Variants in IGF2R observed in about 807,000 individuals in gnomAD.
IGF2R encodes the protein insulin like growth factor 2 receptor.
Under a neutral mutation model 270.6 loss-of-function variants are expected in IGF2R, and 91 were observed. The ratio of observed to expected loss-of-function variants is 0.34; its 90% CI spans 0.28 to 0.40. The LOEUF (loss-of-function observed/expected upper bound fraction) is 0.40, where lower values mean the gene tolerates loss of function less well. Ranked by LOEUF, IGF2R falls within the 10% of genes least tolerant of loss-of-function variation. The probability of loss-of-function intolerance (pLI) is 1.00; values close to 1 mark genes in which losing one functional copy is unlikely to be tolerated. For synonymous variants in IGF2R, 1,316 were observed against 1,258.9 expected (o/e 1.05, Z -0.96); for missense variants, 2,805 against 3,188.3 (o/e 0.88, Z 2.90).
chr6:159,984,660 C>G (rs1049979418), intron 1 of IGF2R, among the ~76,000 whole-genome samples: 4 of 152,198 alleles, frequency 2.6e-5, no homozygotes, highest in Non-Finnish European at 5.9e-5. Flanking sequence ...TAGTAGGCGA[C>G]ACCATCTATG....
At chr6:160,060,293 G>A (rs983671641) in intron 22 of IGF2R, among the ~76,000 whole-genome samples, 6 of 152,268 alleles carry the variant, frequency 3.9e-5, no homozygotes, top group African/African-American at 1.2e-4. Flanking sequence ...GTTGCAGTGT[G>A]TAAACCTGTT....
rs1778089153 is a variant in IGF2R at position 160,047,265 on chromosome 6, C to G, written c.2158C>G (p.His720Asp). 6.2e-7 allele frequency: 1 copy of G among 1,613,400 alleles called. No homozygotes were observed. Among genetic ancestry groups the G allele is most frequent in the Non-Finnish European group, 8.5e-7 (1 of 1,179,872 alleles). Residue 720 changes from histidine (H) to aspartate (D), a missense_variant, in exon 16 of 48, where the codon CAC (histidine) becomes GAC (aspartate). His to Asp is a moderately conservative substitution (Grantham distance 81). Transcript: ENST00000356956. ...CGGCACACCCTATAACAATGAAAGACACACACCGAGAGCTACGCTCATCAC... is the reference window on the plus strand; with the variant it reads ...CGGCACACCCTATAACAATGAAAGAGACACACCGAGAGCTACGCTCATCAC... ...RGGTPYNNER[H>D]TPRATLITFL...
At chr6:160,049,028 G>A (rs1186360148) in intron 18 of IGF2R, among the ~76,000 whole-genome samples, 2 of 152,274 alleles carry the variant, frequency 1.3e-5, no homozygotes, top group South Asian at 2.1e-4. Context: ...GTCTCCTGTG[G>A]TCGTTGTACG....
intron 20 of IGF2R, among the ~76,000 whole-genome samples, chr6:160,057,489 T>A (rs1320890650): frequency 1.3e-5 from 2 of 152,228 alleles, no homozygotes; most frequent in Non-Finnish European, 2.9e-5. Flanking sequence ...GAGGGCAGGA[T>A]GCCAGGCACC....
chr6:160,104,342 CT>C (rs1182657845), intron 47 of IGF2R, among the ~76,000 whole-genome samples: 37 of 152,152 alleles, frequency 2.4e-4, no homozygotes, highest in East Asian at 1.4e-3. Flanking sequence ...TCTCCCCCAG[CT>C]GCGCTGGGGG....
At position 160,090,549 on chromosome 6, in the gene IGF2R, G is replaced by A. The variant is rs779364635; in HGVS notation, c.6655+446G>A. 5.9e-4 allele frequency among the ~76,000 whole-genome samples: 90 copies of A among 152,338 alleles called. No homozygotes were observed. The Middle Eastern group carries it at 0.01, about 17-fold the overall frequency. ...GATGTAGGTTAAAATCAACCAGGAC[G>A]CACATAGGGCAGAGTCCAGGGTGTG... On this transcript the variant is annotated intron_variant, in intron 44 of 47. Coordinates refer to ENST00000356956, the MANE Select transcript of IGF2R (RefSeq NM_000876.4).
At chr6:160,037,765 C>A (rs1777859261) in intron 10 of IGF2R, among the ~76,000 whole-genome samples, 1 of 151,998 alleles carries the variant, frequency 6.6e-6, no homozygotes, top group Admixed American at 6.6e-5. Flanking sequence ...TTTCTTAGTT[C>A]AGTGCTAGTC....
At chr6:160,040,859 G>C in intron 11 of IGF2R, 135 bp downstream of exon 11, 1 of 828,912 alleles carries the variant, frequency 1.2e-6, no homozygotes, top group Non-Finnish European at 1.9e-6. Flanking sequence ...TTTTTCATGT[G>C]GCTGTGTGAA....
chr6:160,011,131 A>G (rs934689822), intron 4 of IGF2R, among the ~76,000 whole-genome samples: 5 of 152,156 alleles, frequency 3.3e-5, no homozygotes, highest in African/African-American at 1.2e-4. Context: ...TGCAGGAGCC[A>G]TCTGTTTCTG....
intron 1 of IGF2R, among the ~76,000 whole-genome samples, chr6:159,990,919 T>C (rs1453105899): frequency 2.0e-5 from 3 of 152,220 alleles, no homozygotes; most frequent in Non-Finnish European, 4.4e-5. Flanking sequence ...TGAGCCACCA[T>C]GCCCAGCCAG....
chr6:160,093,685 TG>T, intron 44 of IGF2R: 1 of 754,638 alleles, frequency 1.3e-6, no homozygotes, highest in Non-Finnish European at 2.5e-6. Context: ...TCCAAACCAT[TG>T]AGGATAATGA....
rs752498022 is a variant in IGF2R at position 160,072,004 on chromosome 6, A to G, written c.4538A>G (p.His1513Arg). The G allele has an allele frequency of 6.2e-7, 1 of 1,614,096 alleles. No homozygotes were observed. The change falls in exon 32 of 48, where the codon CAT becomes CGT. Residue 1513 changes from histidine (H) to arginine (R), a missense_variant. By Grantham distance (29) the His-to-Arg change is conservative. Around this residue, in one of 2 missense-constraint regions of IGF2R, gnomAD observed 1,851 missense variants for 2,207.2 expected, o/e 0.84. Coordinates refer to ENST00000356956, the MANE Select transcript of IGF2R (RefSeq NM_000876.4). ...GCCTGTCCCATGAAGAGCAACGAGC[A>G]TGATGACTGCCAGGTCACCAACCCA... is the stretch of plus-strand genomic sequence containing the variant. ...ATACPMKSNE[H>R]DDCQVTNPST...
At chr6:159,983,042 G>T (rs995075398) in intron 1 of IGF2R, among the ~76,000 whole-genome samples, 1 of 152,204 alleles carries the variant, frequency 6.6e-6, no homozygotes, top group Non-Finnish European at 1.5e-5. Flanking sequence ...TTCTATATCT[G>T]TATCCCTATG....
At chr6:160,016,174 A>G (rs1159577563) in intron 4 of IGF2R, among the ~76,000 whole-genome samples, 3 of 152,190 alleles carry the variant, frequency 2.0e-5, no homozygotes, top group South Asian at 2.1e-4. Flanking sequence ...AGTTAAGGGC[A>G]TTAGAACTTG....
chr6:160,037,375 A>G (rs1777850833), intron 10 of IGF2R, among the ~76,000 whole-genome samples: 1 of 152,252 alleles, frequency 6.6e-6, no homozygotes, highest in African/African-American at 2.4e-5. Flanking sequence ...TGTGTACTGT[A>G]AAATTAGTTC....
intron 29 of IGF2R, 129 bp downstream of exon 29, chr6:160,065,030 A>AT: frequency 1.5e-6 from 1 of 663,302 alleles, no homozygotes; most frequent in Non-Finnish European, 2.7e-6. Flanking sequence ...GTTTGCTCAT[A>AT]TTAAAATGAG....
intron 2 of IGF2R, among the ~76,000 whole-genome samples, chr6:160,002,842 A>C (rs1423526264): frequency 6.6e-6 from 1 of 152,222 alleles, no homozygotes; most frequent in African/African-American, 2.4e-5. Flanking sequence ...AGTTATATTA[A>C]ACATTGCAGT....
At chr6:160,028,218 C>T (rs890453223) in intron 6 of IGF2R, among the ~76,000 whole-genome samples, 29 of 152,158 alleles carry the variant, frequency 1.9e-4, no homozygotes, top group African/African-American at 6.0e-4. Flanking sequence ...GTTAGATGGC[C>T]GTTTTCTTTC....
rs1777517009 is a variant in IGF2R at position 160,024,679 on chromosome 6, A to G, written c.621A>G (p.Leu207=). ...ATGACTCCGATCCGGACACTTCTCTATTCATCAATGTTTGTAGAGACATAG... is the reference window on the plus strand; with the variant it reads ...ATGACTCCGATCCGGACACTTCTCTGTTCATCAATGTTTGTAGAGACATAG... ...LVDDSDPDTS[L]FINVCRDIDT... The change falls in exon 5 of 48, where the codon CTA becomes CTG. Residue 207 remains leucine, a synonymous_variant. Coordinates refer to ENST00000356956, the MANE Select transcript of IGF2R (RefSeq NM_000876.4). 1 of 1,614,098 alleles carries G rather than the reference A, an allele frequency of 6.2e-7. No individual in the cohort carries two copies. Among genetic ancestry groups the G allele is most frequent in the Non-Finnish European group, 8.5e-7 (1 of 1,180,002 alleles).
Sources: gnomAD v4.1 joint callset for allele counts (sites outside exome capture counted in the v4.1 genomes callset) on GRCh38, gnomAD v4.1.1 for gene constraint, gnomAD v4.1.1 regional missense constraint, MANE v1.5 for transcripts, NCBI Gene and HGNC (gene_info 2026-07-23, HGNC 2026-07-21) for gene names.